TBC1D2: variants seen among roughly 807,000 people sequenced by gnomAD.
TBC1D2 encodes the protein TBC1 domain family member 2A.
TBC1D2 carries 58 observed loss-of-function variants against 91.1 expected under a neutral mutation model. That is an observed-to-expected ratio of 0.64 (90% CI 0.52 to 0.79). TBC1D2 has a LOEUF of 0.79. Ranked by LOEUF, TBC1D2 falls within the 30% of genes least tolerant of loss-of-function variation. The pLI, the probability that TBC1D2 is intolerant of heterozygous loss-of-function variation, is 0.00. For missense variants in TBC1D2, 1,080 were observed against 1,208.3 expected, an observed-to-expected ratio of 0.89 and a Z score of 1.57; for synonymous variants, 482 against 511.5, an observed-to-expected ratio of 0.94 and a Z score of 0.78.
rs182371485 is a variant in TBC1D2, at chr9:98,233,511, T to G, written c.686A>C (p.Gln229Pro). ...MHNIRGNKQA[Q>P]GTGHEPPGED... ...CCCTGGAGGTTCATGGCCTGTTCCC[T>G]GGGCCTGCTTGTTGCCACGGATGTT... Residue 229 changes from glutamine (Q) to proline (P), a missense_variant, in exon 4 of 13, where the codon CAG (glutamine) becomes CCG (proline). Gln to Pro is a moderately conservative substitution (Grantham distance 76). Coordinates refer to ENST00000465784, the MANE Select transcript of TBC1D2 (RefSeq NM_001267571.2). 1.2e-6 allele frequency: 2 copies of G among 1,614,098 alleles called. No homozygotes were observed. The highest frequency in any genetic ancestry group is 1.7e-6 in the Non-Finnish European group (2 of 1,180,044).
At chr9:98,237,113 G>C (rs1829523671) in intron 3 of TBC1D2, among the ~76,000 whole-genome samples, 1 of 152,060 alleles carries the variant, frequency 6.6e-6, no homozygotes. Flanking sequence ...AAGGCGAGTG[G>C]ATTGCTTGAG....
intron 3 of TBC1D2, among the ~76,000 whole-genome samples, chr9:98,238,907 GA>G (rs1384131892): frequency 3.3e-5 from 5 of 151,958 alleles, no homozygotes; most frequent in African/African-American, 1.2e-4. Context: ...ATTTTTAGTA[GA>G]GATGGGATTT....
At chr9:98,233,198 C>T (rs1339173287) in intron 4 of TBC1D2, among the ~76,000 whole-genome samples, 1 of 152,192 alleles carries the variant, frequency 6.6e-6, no homozygotes, top group Non-Finnish European at 1.5e-5. Flanking sequence ...TTGAATCTGC[C>T]GGCACCTTGA....
chr9:98,213,932 G>C (rs1250346138), intron 6 of TBC1D2, among the ~76,000 whole-genome samples: 1 of 152,160 alleles, frequency 6.6e-6, no homozygotes, highest in East Asian at 1.9e-4. Context: ...CTGCTGCTGG[G>C]GCATACAAGG....
intron 5 of TBC1D2, among the ~76,000 whole-genome samples, chr9:98,227,969 A>C (rs1463659291): frequency 2.0e-5 from 3 of 152,182 alleles, no homozygotes; most frequent in Admixed American, 6.5e-5. Context: ...AAAAGAAGAA[A>C]TGTACAAGTT....
intron 2 of TBC1D2, among the ~76,000 whole-genome samples, chr9:98,246,413 A>G (rs1031146359): frequency 1.3e-5 from 2 of 152,226 alleles, no homozygotes; most frequent in Non-Finnish European, 2.9e-5. Flanking sequence ...AATTCCTAAC[A>G]GGCTCCATCA....
chr9:98,224,250 T>G (rs1222071488), intron 5 of TBC1D2, among the ~76,000 whole-genome samples: 1 of 149,056 alleles, frequency 6.7e-6, no homozygotes, highest in East Asian at 2.0e-4. Context: ...TTGATGAAAT[T>G]AAGCTTTTTG....
intron 4 of TBC1D2, 66 bp downstream of exon 4, chr9:98,233,350 A>C: frequency 6.5e-7 from 1 of 1,543,822 alleles, no homozygotes; most frequent in Non-Finnish European, 8.7e-7. Flanking sequence ...GGAAGGAAAG[A>C]AGGCACTTGT....
intron 6 of TBC1D2, among the ~76,000 whole-genome samples, chr9:98,215,715 A>G (rs567071545): frequency 1.3e-5 from 2 of 152,296 alleles, no homozygotes; most frequent in African/African-American, 4.8e-5. Context: ...TATGTTTCCC[A>G]GGCTGTTTTC....
intron 8 of TBC1D2, among the ~76,000 whole-genome samples, chr9:98,209,827 C>G (rs928357118): frequency 1.4e-5 from 2 of 142,048 alleles, no homozygotes; most frequent in South Asian, 2.2e-4. Flanking sequence ...TCCCTTCCCC[C>G]CTTCCTTTCT....
At chr9:98,235,629 C>A in intron 3 of TBC1D2, 1 of 371,112 alleles carries the variant, frequency 2.7e-6, no homozygotes, top group East Asian at 7.4e-5. Context: ...GTCTGTTTCT[C>A]TAAAGCACTT....
chr9:98,209,000 C>A lies in TBC1D2; in HGVS notation c.1818G>T (p.Trp606Cys). 1 of 1,614,100 alleles carries A rather than the reference C, an allele frequency of 6.2e-7. No individual in the cohort carries two copies. Among genetic ancestry groups the A allele is most frequent in the Non-Finnish European group, 8.5e-7 (1 of 1,180,014 alleles). ...EAVDRPLRER[W>C]AALGDLVPSA... is the part of the protein sequence containing the mutation. ...AGGGCACAAGATCGCCCAGGGCAGCCCAGCGCTCCCTCAGCGGCCGATCCA... is the reference window on the plus strand; with the variant it reads ...AGGGCACAAGATCGCCCAGGGCAGCACAGCGCTCCCTCAGCGGCCGATCCA... Residue 606 changes from tryptophan (W) to cysteine (C), a missense_variant, in exon 9 of 13, where the codon TGG (tryptophan) becomes TGT (cysteine). Physicochemically the swap from Trp to Cys is radical, Grantham distance 215. Transcript: ENST00000465784.
At chr9:98,205,304 C>G (rs551484196) in intron 9 of TBC1D2, among the ~76,000 whole-genome samples, 2 of 152,314 alleles carry the variant, frequency 1.3e-5, no homozygotes, top group East Asian at 1.9e-4. Context: ...AGGCTGGTTG[C>G]TAGGGCTTAC....
intron 3 of TBC1D2, among the ~76,000 whole-genome samples, chr9:98,238,575 T>C (rs1208607517): frequency 2.2e-5 from 3 of 137,194 alleles, no homozygotes; most frequent in Non-Finnish European, 4.4e-5. Context: ...CCTAATTTCA[T>C]GTTCTTGCCT....
At position 98,233,434 on chromosome 9, in the gene TBC1D2, A is replaced by AGGCCAAG; in HGVS notation, c.756_762dup (p.Ser255LeufsTer4). ...GGCTCACCTGGGGTGCTGGCGTCAG[A>AGGCCAAG]GGCCAAGGGCTGCTCCTCCCTCTGA... is the stretch of plus-strand genomic sequence containing the variant. On this transcript the variant is annotated frameshift_variant, in exon 4 of 13. Transcript: ENST00000465784. LOFTEE classifies it high-confidence loss of function. 6.2e-7 allele frequency: 1 copy of AGGCCAAG among 1,613,992 alleles called. No individual in the cohort carries two copies.
intron 4 of TBC1D2, among the ~76,000 whole-genome samples, chr9:98,232,343 T>TTTTTTTTTTG (rs1554754388): frequency 1.8e-4 from 19 of 108,568 alleles, no homozygotes; most frequent in Non-Finnish European, 2.8e-4. Context: ...TCTTTTTCTG[T>TTTTTTTTTTG]TTTTTTTTTT....
chr9:98,208,764 G>A lies in TBC1D2; in HGVS notation c.2054C>T (p.Thr685Ile), dbSNP rs1351524261. 1 of 1,576,512 alleles carries A rather than the reference G, an allele frequency of 6.3e-7. No homozygotes were observed. The highest frequency in any genetic ancestry group is 1.3e-5 in the African/African-American group (1 of 74,360). The change falls in exon 9 of 13, where the codon ACC becomes ATC. Residue 685 changes from threonine to isoleucine, a missense_variant. Physicochemically the swap from Thr to Ile is moderately conservative, Grantham distance 89 (BLOSUM62 -1). Transcript: ENST00000465784. ...NRTFPNNKHF[T>I]CPTSSFPDKL... ...GTCGGGGAAGCTGGAGGTGGGGCAG[G>A]TGAAGTGTTTGTTGTTGGGGAAGGT... is the stretch of plus-strand genomic sequence containing the variant.
intron 2 of TBC1D2, among the ~76,000 whole-genome samples, chr9:98,247,070 G>A (rs1205952550): frequency 6.6e-6 from 1 of 151,724 alleles, no homozygotes; most frequent in Non-Finnish European, 1.5e-5. Context: ...GCTCATGCCT[G>A]TAATCCCAGC....
chr9:98,255,045 A>G, intron 1 of TBC1D2, 128 bp downstream of exon 1: 3 of 1,454,478 alleles, frequency 2.1e-6, no homozygotes, highest in South Asian at 2.9e-5. Context: ...GCAAAGCACA[A>G]AGTTCTTGGA....
Sources: allele counts gnomAD v4.1 joint callset (sites outside exome capture counted in the v4.1 genomes callset), GRCh38; gene constraint gnomAD v4.1.1; transcripts MANE v1.5; gene names NCBI Gene and HGNC (gene_info 2026-07-23, HGNC 2026-07-21).